Variants in OR51L1 observed in about 807,000 individuals in gnomAD.
The protein encoded by OR51L1 is olfactory receptor 51L1.
Under a neutral mutation model 1.4 loss-of-function variants are expected in OR51L1, and 1 was observed. The observed-to-expected ratio is 0.72, with a 90% CI of 0.26 to 3.42. The LOEUF is 3.42. OR51L1 is among the 30% of genes most tolerant of loss of function. The pLI, the probability that OR51L1 is intolerant of heterozygous loss-of-function variation, is 0.20. For missense variants in OR51L1, 378 were observed against 380.0 expected (o/e 0.99, Z 0.04); for synonymous variants, 156 against 144.2 (o/e 1.08, Z -0.59).
In OR51L1 at chr11:5,000,152, T is replaced by G; in HGVS notation, c.*222T>G. On this transcript the variant is annotated 3_prime_UTR_variant, in exon 3 of 3. Transcript: ENST00000641819. The stretch of plus-strand genomic sequence containing the variant: ...CGTTGTCCCCAGGTCATTACAAGAC[T>G]TATAATAGAAAATGTATGTGCTAAG... 1 of 429,690 alleles carries G rather than the reference T, an allele frequency of 2.3e-6. No homozygotes were observed. The allele number at this position is 429,690 out of a possible 1,614,324, so 26.6% of individuals were successfully genotyped here.
At position 4,999,960 on chromosome 11, in the gene OR51L1, A is replaced by C. The variant is rs1318865681; in HGVS notation, c.*30A>C. The C allele has an allele frequency of 6.4e-7, 1 of 1,555,970 alleles. No homozygotes were observed. The highest frequency in any genetic ancestry group is 1.2e-5 in the South Asian group (1 of 81,900). On this transcript the variant is annotated 3_prime_UTR_variant, in exon 3 of 3. Coordinates refer to ENST00000641819, the MANE Select transcript of OR51L1 (RefSeq NM_001004755.2). ...CCTCTGTCCTCCAACTTTTCCACTG[A>C]AAATCTCATGGAAGCTGTTTTAGTA...
chr11:4,997,759 C>T (rs962636107), intron 2 of OR51L1, among the ~76,000 whole-genome samples, 176 bp downstream of exon 2: 1 of 152,150 alleles, frequency 6.6e-6, no homozygotes, highest in Non-Finnish European at 1.5e-5. Flanking sequence ...GAGGCTATTA[C>T]AATAACAATT....
At position 4,999,330 on chromosome 11, in the gene OR51L1, G is replaced by A. The variant is rs762377268; in HGVS notation, c.348G>A (p.Val116=). ...IHTFTFLESS[V]LLAMAFDRFV... The stretch of plus-strand genomic sequence containing the variant: ...CATTCACATTCCTGGAGTCCTCAGT[G>A]TTGCTGGCCATGGCCTTTGACCGTT... Residue 116 remains valine (V), a synonymous_variant, in exon 3 of 3, where the codon GTG becomes GTA. Transcript: ENST00000641819. 2.5e-6 allele frequency: 4 copies of A among 1,614,154 alleles called. No homozygotes were observed. Among genetic ancestry groups the A allele is most frequent in the Non-Finnish European group, 3.4e-6 (4 of 1,180,034 alleles).
Position 5,001,050 on chromosome 11 carries a change from T to A in OR51L1, c.*1120T>A, listed in dbSNP as rs1847126373. 1 of 152,292 alleles carries A rather than the reference T, an allele frequency of 6.6e-6. No individual in the cohort carries two copies. The allele number at this position is 152,292 out of a possible 1,614,324, so 9.4% of individuals were successfully genotyped here. A position where few individuals can be genotyped will look rare whatever the true frequency, so the allele number is the denominator to read the frequency against. On this transcript the variant is annotated 3_prime_UTR_variant, in exon 3 of 3. Coordinates refer to ENST00000641819, the MANE Select transcript of OR51L1 (RefSeq NM_001004755.2). ...GCCCCAGCCTCCCGAATAGCTGGGATGACAGGTCTGCGCCACCATCCCCAG... is the reference window on the plus strand; with the variant it reads ...GCCCCAGCCTCCCGAATAGCTGGGAAGACAGGTCTGCGCCACCATCCCCAG...
Position 5,005,439 on chromosome 11 carries a change from T to A in OR51L1, c.*5509T>A, listed in dbSNP as rs1474934698. 1.3e-5 allele frequency: 2 copies of A among 152,130 alleles called. No homozygotes were observed. The highest frequency in any genetic ancestry group is 4.8e-5 in the African/African-American group (2 of 41,428). The allele number at this position is 152,130 out of a possible 1,614,324, so 9.4% of individuals were successfully genotyped here. A position where few individuals can be genotyped will look rare whatever the true frequency, so the allele number is the denominator to read the frequency against. ...CCCTTCCCCCTTTTAAGGAAATGGA[T>A]AAATACACAATGTCCTGAAAACCTT... is the stretch of plus-strand genomic sequence containing the variant. On this transcript the variant is annotated 3_prime_UTR_variant, in exon 3 of 3. Transcript: ENST00000641819.
At chr11:4,997,780 A>C (rs948410095) in intron 2 of OR51L1, among the ~76,000 whole-genome samples, 197 bp downstream of exon 2, 2 of 152,200 alleles carry the variant, frequency 1.3e-5, no homozygotes, top group Admixed American at 6.5e-5. Context: ...GCTGAGGGAA[A>C]GTAAAGCCAG....
intron 1 of OR51L1, among the ~76,000 whole-genome samples, chr11:4,996,669 CT>C (rs1349679633): frequency 6.6e-6 from 1 of 151,748 alleles, no homozygotes; most frequent in Non-Finnish European, 1.5e-5. Flanking sequence ...TTTTCTTTTT[CT>C]TTTTTTCTCT....
chr11:4,999,889 C>G lies in OR51L1; in HGVS notation c.907C>G (p.Leu303Val), dbSNP rs1215912943. ...VYSVRTKQIR[L>V]GILHKFVLRR... ...TAGTGTCAGAACAAAGCAGATTCGT[C>G]TAGGAATTCTCCACAAGTTTGTCCT... Residue 303 changes from leucine (L) to valine (V), a missense_variant, in exon 3 of 3, where the codon CTA becomes GTA. Leu to Val is a conservative substitution (Grantham distance 32). Coordinates refer to ENST00000641819, the MANE Select transcript of OR51L1 (RefSeq NM_001004755.2). 6 of 1,613,344 alleles carry G rather than the reference C, an allele frequency of 3.7e-6. No homozygotes were observed. The Admixed American group carries it at 1.0e-4, about 27-fold the overall frequency.
At position 4,999,919 on chromosome 11, in the gene OR51L1, A is replaced by G. The variant is rs763828448; in HGVS notation, c.937A>G (p.Arg313Gly). Residue 313 changes from arginine (R) to glycine (G), a missense_variant, in exon 3 of 3, where the codon AGG becomes GGG. Transcript: ENST00000641819. ...AATTCTCCACAAGTTTGTCCTAAGG[A>G]GGAGGTTTTAAGTAACCTCTGTCCT... is the stretch of plus-strand genomic sequence containing the variant. ...LGILHKFVLR[R>G]RF 53 of 1,607,264 alleles carry G rather than the reference A, an allele frequency of 3.3e-5. No homozygotes were observed. Among genetic ancestry groups the G allele is most frequent in the Admixed American group, 1.0e-4 (6 of 59,474 alleles).
rs1262765754 is a variant in OR51L1 at position 4,999,855 on chromosome 11, T to G, written c.873T>G (p.Pro291=). Residue 291 remains proline, a synonymous_variant, in exon 3 of 3, where the codon CCT becomes CCG. Transcript: ENST00000641819. ...IYLLLPPVLN[P]IVYSVRTKQI... Reference sequence around the variant, plus strand: ...TTCTTCTTCCCCCAGTCCTTAACCCTATTGTCTATAGTGTCAGAACAAAGC... The same window carrying G: ...TTCTTCTTCCCCCAGTCCTTAACCCGATTGTCTATAGTGTCAGAACAAAGC... 6.2e-7 allele frequency: 1 copy of G among 1,613,978 alleles called. No homozygotes were observed.
rs772604721 is a variant in OR51L1, at chr11:4,999,127, T to C, written c.145T>C (p.Ser49Pro). 1 of 1,614,114 alleles carries C rather than the reference T, an allele frequency of 6.2e-7. No individual in the cohort carries two copies. The highest frequency in any genetic ancestry group is 1.1e-5 in the South Asian group (1 of 91,080). ...ATTTATGGGTAATGTTACCATCCTG[T>C]CTGTCATTTGGATAGAATCCTCTCT... is the stretch of plus-strand genomic sequence containing the variant. ...VAFMGNVTIL[S>P]VIWIESSLHQ... Residue 49 changes from serine to proline, a missense_variant, in exon 3 of 3, where the codon TCT becomes CCT. Physicochemically the swap from Ser to Pro is moderately conservative, Grantham distance 74 (BLOSUM62 -1). Transcript: ENST00000641819.
rs1474756969 is a variant in OR51L1 at position 5,005,293 on chromosome 11, C to T, written c.*5363C>T. 6.6e-6 allele frequency: 1 copy of T among 152,166 alleles called. No individual in the cohort carries two copies. 9.4% of individuals were successfully genotyped at this position (152,166 alleles called of 1,614,324 possible). On this transcript the variant is annotated 3_prime_UTR_variant, in exon 3 of 3. Transcript: ENST00000641819. ...GAGACGACTACATGATTGAGTCTTC[C>T]TTTACTCCCTTTCTCGCTTCAGACA...
rs935662701 is a variant in OR51L1 at position 5,002,768 on chromosome 11, A to G, written c.*2838A>G. 4 of 152,126 alleles carry G rather than the reference A, an allele frequency of 2.6e-5. No individual in the cohort carries two copies. The highest frequency in any genetic ancestry group is 2.6e-4 in the Admixed American group (4 of 15,268). The allele number at this position is 152,126 out of a possible 1,614,324, so 9.4% of individuals were successfully genotyped here. On this transcript the variant is annotated 3_prime_UTR_variant, in exon 3 of 3. Coordinates refer to ENST00000641819, the MANE Select transcript of OR51L1 (RefSeq NM_001004755.2). ...CACAGGTCAACTTTTCCCTCTGCCCAATCCTACCCACTTTCATTCCTTTTC... is the reference window on the plus strand; with the variant it reads ...CACAGGTCAACTTTTCCCTCTGCCCGATCCTACCCACTTTCATTCCTTTTC...
At chr11:4,996,898 A>G (rs1847078486) in intron 1 of OR51L1, among the ~76,000 whole-genome samples, 1 of 152,026 alleles carries the variant, frequency 6.6e-6, no homozygotes, top group African/African-American at 2.4e-5. Flanking sequence ...AGGAGGTCAA[A>G]AAATTTTTCT....
chr11:5,000,263 G>T lies in OR51L1; in HGVS notation c.*333G>T. 5.1e-6 allele frequency: 1 copy of T among 197,980 alleles called. No homozygotes were observed. The highest frequency in any genetic ancestry group is 1.0e-5 in the Non-Finnish European group (1 of 96,634). 12.3% of individuals were successfully genotyped at this position (197,980 alleles called of 1,614,324 possible). On this transcript the variant is annotated 3_prime_UTR_variant, in exon 3 of 3. Transcript: ENST00000641819. ...GATAACAGTATTTTCCTTCTTAAATGTAGCTGTGTTTATATTGTTTCTCAT... is the reference window on the plus strand; with the variant it reads ...GATAACAGTATTTTCCTTCTTAAATTTAGCTGTGTTTATATTGTTTCTCAT...
Position 4,999,179 on chromosome 11 carries a change from C to T in OR51L1, c.197C>T (p.Ser66Phe), listed in dbSNP as rs1847100428. Residue 66 changes from serine (S) to phenylalanine (F), a missense_variant, in exon 3 of 3, where the codon TCC (serine) becomes TTC (phenylalanine). By Grantham distance (155) the Ser-to-Phe change is radical. Transcript: ENST00000641819. ...CATCAGCCCATGTATTACTTTATTT[C>T]CATCTTAGCAGTGAATGACCTGGGG... ...SLHQPMYYFI[S>F]ILAVNDLGMS... 1 of 1,613,888 alleles carries T rather than the reference C, an allele frequency of 6.2e-7. No homozygotes were observed. Among genetic ancestry groups the T allele is most frequent in the African/African-American group, 1.3e-5 (1 of 74,918 alleles).
chr11:5,002,632 T>G lies in OR51L1; in HGVS notation c.*2702T>G, dbSNP rs770424387. On this transcript the variant is annotated 3_prime_UTR_variant, in exon 3 of 3. Coordinates refer to ENST00000641819, the MANE Select transcript of OR51L1 (RefSeq NM_001004755.2). ...GTCATCCACTGACACATTCAATGAC[T>G]AATGTAGAAAGTTGGAAAGGTCTGG... 2 of 152,020 alleles carry G rather than the reference T, an allele frequency of 1.3e-5. No homozygotes were observed. Among genetic ancestry groups the G allele is most frequent in the Non-Finnish European group, 2.9e-5 (2 of 68,008 alleles). The allele number at this position is 152,020 out of a possible 1,614,324, so 9.4% of individuals were successfully genotyped here.
Position 5,001,695 on chromosome 11 carries a change from A to G in OR51L1, c.*1765A>G, listed in dbSNP as rs993542859. ...TTTATGGGTGATATTTTATTATTTC[A>G]TATAAATTCACTTTCTTTTCAGCTG... On this transcript the variant is annotated 3_prime_UTR_variant, in exon 3 of 3. Transcript: ENST00000641819. The G allele has an allele frequency of 6.6e-6, 1 of 152,128 alleles. No individual in the cohort carries two copies. The highest frequency in any genetic ancestry group is 2.4e-5 in the African/African-American group (1 of 41,426). 9.4% of individuals were successfully genotyped at this position (152,128 alleles called of 1,614,324 possible). A position where few individuals can be genotyped will look rare whatever the true frequency, so the allele number is the denominator to read the frequency against.
chr11:4,998,499 A>G (rs1847092659), intron 2 of OR51L1, among the ~76,000 whole-genome samples: 1 of 152,046 alleles, frequency 6.6e-6, no homozygotes. Context: ...ATAAAAATGC[A>G]GCTGAATAGA....
Sources: gnomAD v4.1 joint callset for allele counts (sites outside exome capture counted in the v4.1 genomes callset) on GRCh38, gnomAD v4.1.1 for gene constraint, MANE v1.5 for transcripts, NCBI Gene and HGNC (gene_info 2026-07-23, HGNC 2026-07-21) for gene names.